The following DNAH8 variants were observed in gnomAD, a reference collection of about 807,000 sequenced individuals.
DNAH8 encodes dynein axonemal heavy chain 8, also known as axonemal beta dynein heavy chain 8.
A neutral mutation model predicts 562.1 loss-of-function variants in DNAH8; 382 were observed. The observed-to-expected ratio is 0.68, with a 90% CI of 0.63 to 0.74. The LOEUF (loss-of-function observed/expected upper bound fraction) is 0.74. DNAH8 is among the 30% of genes least tolerant of loss of function. The probability of loss-of-function intolerance (pLI) is 0.00; values close to 1 mark genes in which losing one functional copy is unlikely to be tolerated. For synonymous variants in DNAH8, 1,881 were observed against 1,919.4 expected (o/e 0.98, Z 0.52); for missense variants, 5,203 against 5,620.4 (o/e 0.93, Z 2.37).
intron 1 of DNAH8, among the ~76,000 whole-genome samples, chr6:38,715,945 T>A (rs1274528570): frequency 5.3e-4 from 11 of 20,874 alleles, no homozygotes; most frequent in South Asian, 2.1e-3. Flanking sequence ...TATATATATA[T>A]ATATATATAT....
intron 1 of DNAH8, among the ~76,000 whole-genome samples, chr6:38,720,605 A>G (rs1762675833): frequency 6.6e-6 from 1 of 152,246 alleles, no homozygotes; most frequent in Non-Finnish European, 1.5e-5. Context: ...CTCTCTAAGC[A>G]GACATATCCA....
rs1171036073 is a variant in DNAH8, at chr6:38,915,196, A to C, written c.9964-5A>C. The stretch of plus-strand genomic sequence containing the variant: ...TGGCTTTCATGTGTTTCCTCAACTT[A>C]ACAGGTATTAGCAGAAGTCACAGTA... On this transcript the variant is annotated splice_region_variant and splice_polypyrimidine_tract_variant and intron_variant, in intron 67 of 92. Coordinates refer to ENST00000327475, the MANE Select transcript of DNAH8 (RefSeq NM_001206927.2). 1 of 1,585,526 alleles carries C rather than the reference A, an allele frequency of 6.3e-7. No individual in the cohort carries two copies.
At chr6:38,831,569 A>G (rs931812774) in intron 30 of DNAH8, among the ~76,000 whole-genome samples, 3 of 152,072 alleles carry the variant, frequency 2.0e-5, no homozygotes, top group African/African-American at 7.2e-5. Context: ...ATTAAACTTG[A>G]GGTAATATAT....
At chr6:39,024,893 G>A (rs919199827) in intron 91 of DNAH8, among the ~76,000 whole-genome samples, 8 of 152,206 alleles carry the variant, frequency 5.3e-5, no homozygotes, top group Admixed American at 3.9e-4. Flanking sequence ...TCACTCAGCT[G>A]CTTTGGTTGA....
At chr6:38,843,894 C>T (rs1344866677) in intron 35 of DNAH8, among the ~76,000 whole-genome samples, 1 of 152,124 alleles carries the variant, frequency 6.6e-6, no homozygotes, top group African/African-American at 2.4e-5. Flanking sequence ...TGGTTGCCTC[C>T]TACACTGTCC....
intron 62 of DNAH8, among the ~76,000 whole-genome samples, chr6:38,905,950 G>C (rs1780432044): frequency 6.6e-6 from 1 of 152,116 alleles, no homozygotes; most frequent in South Asian, 2.1e-4. Flanking sequence ...CTGTCGCCCA[G>C]GCTGGAGTGC....
chr6:38,919,031 A>G (rs911575392), intron 70 of DNAH8, among the ~76,000 whole-genome samples: 1 of 152,166 alleles, frequency 6.6e-6, no homozygotes, highest in Admixed American at 6.6e-5. Context: ...AAAAATACAA[A>G]AAACACACCC....
Position 38,853,335 on chromosome 6 carries a change from C to T in DNAH8, c.5721C>T (p.His1907=). Residue 1907 remains histidine (H), a synonymous_variant, in exon 41 of 93, where the codon CAC becomes CAT. Coordinates refer to ENST00000327475, the MANE Select transcript of DNAH8 (RefSeq NM_001206927.2). ...SGFQLLPFLS[H]FPAQVGLLGI... is the part of the protein sequence containing the mutation. ...TTCAACTCTTACCATTCCTCAGCCA[C>T]TTTCCAGCACAGGTGAGAATACACA... is the stretch of plus-strand genomic sequence containing the variant. The T allele has an allele frequency of 1.2e-6, 2 of 1,613,032 alleles. No homozygotes were observed.
chr6:38,863,569 G>A lies in DNAH8; in HGVS notation c.6311-304G>A, dbSNP rs939467759. On this transcript the variant is annotated intron_variant, in intron 44 of 92. Transcript: ENST00000327475. ...ACAACTTCGACCTATCCTTTACTCCGCTCTTTCTCTTATACTCAGATCCAA... is the reference window on the plus strand; with the variant it reads ...ACAACTTCGACCTATCCTTTACTCCACTCTTTCTCTTATACTCAGATCCAA... 3.3e-5 allele frequency among the ~76,000 whole-genome samples: 5 copies of A among 152,020 alleles called. No individual in the cohort carries two copies. The South Asian group carries it at 6.2e-4, about 19-fold the overall frequency.
chr6:38,839,326 G>A (rs1774573973), intron 33 of DNAH8, among the ~76,000 whole-genome samples: 1 of 150,862 alleles, frequency 6.6e-6, no homozygotes, highest in South Asian at 2.1e-4. Flanking sequence ...TAATTTTAGA[G>A]AATGGTGAGA....
chr6:38,884,450 C>T (rs147103478), intron 56 of DNAH8, among the ~76,000 whole-genome samples: 1,724 of 152,254 alleles, frequency 0.011, 41 homozygotes, highest in African/African-American at 0.039. Context: ...CCCGCCACCA[C>T]GCCTGGCTAA....
At chr6:38,905,203 A>G (rs1178740601) in intron 62 of DNAH8, among the ~76,000 whole-genome samples, 1 of 152,166 alleles carries the variant, frequency 6.6e-6, no homozygotes, top group Non-Finnish European at 1.5e-5. Context: ...CATTACTTGC[A>G]TTGTAACACC....
chr6:38,832,504 G>A (rs1220322787), intron 31 of DNAH8, 69 bp downstream of exon 31: 1 of 951,856 alleles, frequency 1.1e-6, no homozygotes, highest in African/African-American at 1.7e-5. Context: ...TGAAAGTGAT[G>A]AACCCTGAGG....
chr6:38,765,534 C>A (rs1005795262), intron 11 of DNAH8, among the ~76,000 whole-genome samples: 9 of 152,108 alleles, frequency 5.9e-5, no homozygotes, highest in Non-Finnish European at 2.9e-5. Context: ...TTTCCTAAGA[C>A]CATTTATTGA....
intron 13 of DNAH8, among the ~76,000 whole-genome samples, chr6:38,777,398 G>C (rs1369982968): frequency 6.6e-6 from 1 of 152,080 alleles, no homozygotes; most frequent in African/African-American, 2.4e-5. Context: ...CCTTTTAATA[G>C]TTAAATAATT....
At chr6:38,777,556 C>T (rs1768191833) in intron 13 of DNAH8, among the ~76,000 whole-genome samples, 1 of 152,024 alleles carries the variant, frequency 6.6e-6, no homozygotes, top group Admixed American at 6.6e-5. Flanking sequence ...CTTTTGGGTA[C>T]CGGGAGTTTG....
At chr6:39,001,095 G>T (rs1414606875) in intron 88 of DNAH8, among the ~76,000 whole-genome samples, 1 of 152,122 alleles carries the variant, frequency 6.6e-6, no homozygotes, top group African/African-American at 2.4e-5. Context: ...ATGAGGGAGG[G>T]GGGTGCTTAA....
At chr6:38,887,232 G>C (rs1165237493) in intron 57 of DNAH8, among the ~76,000 whole-genome samples, 1 of 152,134 alleles carries the variant, frequency 6.6e-6, no homozygotes, top group Non-Finnish European at 1.5e-5. Flanking sequence ...AACATTAGAC[G>C]TAAAGGAACC....
chr6:38,727,821 T>C (rs373993209), intron 3 of DNAH8, among the ~76,000 whole-genome samples: 19 of 152,276 alleles, frequency 1.2e-4, no homozygotes, highest in South Asian at 2.1e-4. Flanking sequence ...CTGCTCAAGA[T>C]AGTCTCTTTT....
Sources: allele counts gnomAD v4.1 joint callset (sites outside exome capture counted in the v4.1 genomes callset), GRCh38; gene constraint gnomAD v4.1.1; transcripts MANE v1.5; gene names NCBI Gene and HGNC (gene_info 2026-07-23, HGNC 2026-07-21).